The following SGCZ variants were observed in gnomAD, a reference collection of about 807,000 sequenced individuals.
SGCZ encodes the protein zeta-sarcoglycan.
Under a neutral mutation model 41.3 loss-of-function variants are expected in SGCZ, and 40 were observed. That is an observed-to-expected ratio of 0.97 (90% confidence interval 0.75 to 1.26). The LOEUF (loss-of-function observed/expected upper bound fraction) is 1.26, where lower values mean the gene tolerates loss of function less well. Among genes scored for constraint, SGCZ ranks in the 50% most tolerant of loss-of-function variants. SGCZ has a pLI of 0.00. For missense variants in SGCZ, 552 were observed against 369.8 expected (o/e 1.49, Z -4.04); for synonymous variants, 206 against 137.5 (o/e 1.50, Z -3.49).
chr8:14,318,316 GT>G, intron 3 of SGCZ, among the ~76,000 whole-genome samples: 1 of 151,844 alleles, frequency 6.6e-6, no homozygotes, highest in Non-Finnish European at 1.5e-5. Context: ...CTCCAGAAAA[GT>G]TTTTACAAAT....
rs181369329 is a variant in SGCZ at position 14,676,010 on chromosome 8, A to C, written c.40-121084T>G. Among the ~76,000 whole-genome samples, 315 of 152,322 alleles carry C rather than the reference A, an allele frequency of 2.1e-3. 2 individuals carry two copies. The highest frequency in any genetic ancestry group is 7.5e-3 in the African/African-American group (310 of 41,580). On this transcript the variant is annotated intron_variant, in intron 1 of 7. Coordinates refer to ENST00000382080, the MANE Select transcript of SGCZ (RefSeq NM_139167.4). ...TTCCTTAAATATTTTCTGTACTGTT[A>C]GGTGCACGTATTTGAGAAAACTACT...
At chr8:15,207,399 T>G (rs7844721) in intron 1 of SGCZ, among the ~76,000 whole-genome samples, 118,927 of 152,146 alleles carry the variant, frequency 0.78, 46,941 homozygotes, top group Non-Finnish European at 0.83. Context: ...AGTATCCATG[T>G]TTAAGGGACA....
intron 2 of SGCZ, among the ~76,000 whole-genome samples, chr8:14,377,974 G>A (rs1173672457): frequency 6.7e-6 from 1 of 149,978 alleles, no homozygotes; most frequent in African/African-American, 2.5e-5. Context: ...ATTGTGAATA[G>A]TGCCGCAATA....
At chr8:15,015,193 A>C (rs571119415) in intron 1 of SGCZ, among the ~76,000 whole-genome samples, 24 of 152,124 alleles carry the variant, frequency 1.6e-4, no homozygotes, top group Non-Finnish European at 2.9e-4. Context: ...CAGTGAGCCA[A>C]GATCACGCCA....
intron 1 of SGCZ, among the ~76,000 whole-genome samples, chr8:14,598,373 A>C (rs1020995980): frequency 2.0e-5 from 3 of 152,046 alleles, no homozygotes; most frequent in African/African-American, 7.2e-5. Context: ...TATTTGTTAC[A>C]AATATCTTCC....
chr8:15,076,446 A>T (rs1247755091), intron 1 of SGCZ, among the ~76,000 whole-genome samples: 1 of 152,208 alleles, frequency 6.6e-6, no homozygotes, highest in African/African-American at 2.4e-5. Flanking sequence ...CAAGGAGGAA[A>T]AAACAGGATG....
intron 1 of SGCZ, among the ~76,000 whole-genome samples, chr8:14,802,977 A>G (rs1196508620): frequency 2.0e-5 from 3 of 152,156 alleles, no homozygotes; most frequent in African/African-American, 7.2e-5. Flanking sequence ...TAGATAGCAG[A>G]CAGCCTTGAC....
intron 1 of SGCZ, among the ~76,000 whole-genome samples, chr8:14,962,491 TTCTC>T (rs1157560859): frequency 1.6e-4 from 24 of 152,234 alleles, no homozygotes; most frequent in African/African-American, 5.3e-4. Context: ...TCATAGAAGT[TTCTC>T]AAACAATACT....
intron 4 of SGCZ, among the ~76,000 whole-genome samples, chr8:14,206,315 T>C (rs1413468989): frequency 6.6e-6 from 1 of 152,148 alleles, no homozygotes; most frequent in East Asian, 1.9e-4. Flanking sequence ...ACGTTTTAAG[T>C]GAAGGCTATG....
intron 1 of SGCZ, among the ~76,000 whole-genome samples, chr8:15,217,187 G>T (rs1446996912): frequency 1.3e-5 from 2 of 151,894 alleles, no homozygotes; most frequent in South Asian, 4.2e-4. Flanking sequence ...GGAGGCCGAG[G>T]CGGGCGGATC....
At chr8:14,690,225 C>A (rs148067829) in intron 1 of SGCZ, among the ~76,000 whole-genome samples, 2 of 151,114 alleles carry the variant, frequency 1.3e-5, no homozygotes, top group South Asian at 4.2e-4. Context: ...ATGCCTATTA[C>A]GGTCTGAAAT....
At chr8:14,510,352 A>C (rs1240458730) in intron 2 of SGCZ, among the ~76,000 whole-genome samples, 4 of 152,114 alleles carry the variant, frequency 2.6e-5, no homozygotes, top group African/African-American at 9.7e-5. Context: ...CTCCCATTGG[A>C]ATTAAATTAA....
intron 2 of SGCZ, among the ~76,000 whole-genome samples, chr8:14,343,925 C>A (rs1179638278): frequency 6.6e-6 from 1 of 151,242 alleles, no homozygotes; most frequent in East Asian, 1.9e-4. Flanking sequence ...AGAGGTGATC[C>A]AATTGAGGAT....
intron 2 of SGCZ, among the ~76,000 whole-genome samples, chr8:14,495,778 C>T (rs983016012): frequency 2.2e-4 from 24 of 108,438 alleles, no homozygotes; most frequent in African/African-American, 8.4e-4. Flanking sequence ...GTTAGATAAA[C>T]GTTTTTTTGA....
intron 4 of SGCZ, among the ~76,000 whole-genome samples, chr8:14,229,007 T>C (rs1806469456): frequency 6.6e-6 from 1 of 151,976 alleles, no homozygotes; most frequent in African/African-American, 2.4e-5. Flanking sequence ...ACTGCAGTGA[T>C]TGATGTTAAA....
At chr8:14,965,246 T>A (rs1474116824) in intron 1 of SGCZ, among the ~76,000 whole-genome samples, 2 of 152,052 alleles carry the variant, frequency 1.3e-5, no homozygotes, top group African/African-American at 2.4e-5. Context: ...TCCTCCTCAA[T>A]AGTGCCACCC....
intron 1 of SGCZ, among the ~76,000 whole-genome samples, chr8:15,116,010 A>G (rs1384338546): frequency 6.6e-6 from 1 of 152,214 alleles, no homozygotes; most frequent in Non-Finnish European, 1.5e-5. Flanking sequence ...CAACTGCTCA[A>G]ACTTAGCCCT....
At chr8:14,460,505 C>G (rs1461393280) in intron 2 of SGCZ, among the ~76,000 whole-genome samples, 1 of 151,996 alleles carries the variant, frequency 6.6e-6, no homozygotes, top group Non-Finnish European at 1.5e-5. Context: ...TTTGTGGTGC[C>G]CCAAAATTAC....
At chr8:14,161,812 TGAAAA>T (rs1018927687) in intron 5 of SGCZ, among the ~76,000 whole-genome samples, 1 of 151,748 alleles carries the variant, frequency 6.6e-6, no homozygotes, top group Non-Finnish European at 1.5e-5. Context: ...GAGAAAGAAA[TGAAAA>T]GAGAGAGCCA....
Sources: gnomAD v4.1 joint callset for allele counts (sites outside exome capture counted in the v4.1 genomes callset) on GRCh38, gnomAD v4.1.1 for gene constraint, MANE v1.5 for transcripts, NCBI Gene and HGNC (gene_info 2026-07-23, HGNC 2026-07-21) for gene names.